The following LRRTM4 variants were observed in gnomAD, a reference collection of about 807,000 sequenced individuals.
LRRTM4 encodes leucine rich repeat transmembrane neuronal 4.
A neutral mutation model predicts 47.6 loss-of-function variants in LRRTM4; 25 were observed. The ratio of observed to expected loss-of-function variants is 0.53; its 90% CI spans 0.38 to 0.73. LRRTM4 has a LOEUF of 0.73. Among genes scored for constraint, LRRTM4 ranks in the 30% least tolerant of loss-of-function variants. The pLI is 0.00. For synonymous variants in LRRTM4, 311 were observed against 269.5 expected (o/e 1.15, Z -1.51); for missense variants, 638 against 713.4 (o/e 0.89, Z 1.20).
At chr2:76,769,472 A>G (rs1477654349) in intron 3 of LRRTM4, among the ~76,000 whole-genome samples, 3 of 152,130 alleles carry the variant, frequency 2.0e-5, no homozygotes, top group Non-Finnish European at 4.4e-5. Context: ...TGGGAAAATA[A>G]TTAAATGAAT....
intron 3 of LRRTM4, among the ~76,000 whole-genome samples, chr2:77,172,272 G>T (rs1284965416): frequency 1.3e-5 from 2 of 152,046 alleles, no homozygotes; most frequent in Non-Finnish European, 2.9e-5. Context: ...TGTTTACTCA[G>T]AATCCATATA....
At chr2:77,081,604 T>C (rs1680536453) in intron 3 of LRRTM4, among the ~76,000 whole-genome samples, 1 of 151,700 alleles carries the variant, frequency 6.6e-6, no homozygotes. Flanking sequence ...TGTACATAGG[T>C]GACTTTCTTC....
chr2:76,968,344 A>ATATATATGTGTGTG (rs1425166435), intron 3 of LRRTM4, among the ~76,000 whole-genome samples: 1 of 53,698 alleles, frequency 1.9e-5, no homozygotes, highest in Admixed American at 1.8e-4. Context: ...ATGTGTGTAT[A>ATATATATGTGTGTG]TATATATATA....
chr2:77,426,846 C>CAG (rs756686178), intron 3 of LRRTM4, among the ~76,000 whole-genome samples: 4 of 125,482 alleles, frequency 3.2e-5, no homozygotes, highest in Non-Finnish European at 5.4e-5. Flanking sequence ...CACACACACA[C>CAG]AGAGAGAGAG....
intron 3 of LRRTM4, among the ~76,000 whole-genome samples, chr2:76,804,293 C>T (rs1276223107): frequency 6.6e-6 from 1 of 152,038 alleles, no homozygotes; most frequent in South Asian, 2.1e-4. Context: ...TCTCAAGAAT[C>T]CTTTGGGACT....
intron 3 of LRRTM4, among the ~76,000 whole-genome samples, chr2:76,973,195 G>A (rs1223087780): frequency 6.6e-6 from 1 of 151,920 alleles, no homozygotes; most frequent in Non-Finnish European, 1.5e-5. Context: ...CAGTGACACT[G>A]AATTACCATG....
chr2:77,361,438 C>A (rs1439191137), intron 3 of LRRTM4, among the ~76,000 whole-genome samples: 2 of 152,076 alleles, frequency 1.3e-5, no homozygotes. Flanking sequence ...CGTCTTCATT[C>A]GCTTCATCCT....
chr2:77,260,002 G>T (rs369877624), intron 3 of LRRTM4, among the ~76,000 whole-genome samples: 1 of 151,980 alleles, frequency 6.6e-6, no homozygotes, highest in East Asian at 1.9e-4. Flanking sequence ...GGAGAGTTGC[G>T]AAGTGAAAAG....
chr2:77,092,134 C>A (rs1298620545), intron 3 of LRRTM4, among the ~76,000 whole-genome samples: 1 of 152,134 alleles, frequency 6.6e-6, no homozygotes, highest in African/African-American at 2.4e-5. Flanking sequence ...TTCCTCATAC[C>A]TGACGCATAT....
chr2:76,933,256 T>G (rs1309565207), intron 3 of LRRTM4, among the ~76,000 whole-genome samples: 4 of 152,136 alleles, frequency 2.6e-5, no homozygotes, highest in African/African-American at 9.7e-5. Flanking sequence ...ATAAAATTGT[T>G]TCTATTTCTA....
At chr2:77,161,730 A>G (rs1482328118) in intron 3 of LRRTM4, among the ~76,000 whole-genome samples, 1 of 152,186 alleles carries the variant, frequency 6.6e-6, no homozygotes, top group Non-Finnish European at 1.5e-5. Flanking sequence ...GCAGTATTTT[A>G]GAGAGGGTCT....
intron 3 of LRRTM4, among the ~76,000 whole-genome samples, chr2:77,189,502 G>T (rs1461204375): frequency 6.6e-6 from 1 of 152,158 alleles, no homozygotes; most frequent in Non-Finnish European, 1.5e-5. Context: ...GAGCCCTTAT[G>T]AGTGGGATTA....
At chr2:76,970,294 C>T (rs940142272) in intron 3 of LRRTM4, among the ~76,000 whole-genome samples, 1 of 151,930 alleles carries the variant, frequency 6.6e-6, no homozygotes, top group Non-Finnish European at 1.5e-5. Flanking sequence ...ATTTTGTTCA[C>T]AGACAAAAGT....
At chr2:76,841,281 G>T (rs1012038019) in intron 3 of LRRTM4, among the ~76,000 whole-genome samples, 2 of 151,094 alleles carry the variant, frequency 1.3e-5, no homozygotes, top group African/African-American at 2.4e-5. Context: ...GTTGTGGGGT[G>T]GGGGGAGTGG....
In LRRTM4 at chr2:77,146,580, C is replaced by T. The variant is rs376959112; in HGVS notation, c.1551+371738G>A. Among the ~76,000 whole-genome samples, 8 of 152,114 alleles carry T rather than the reference C, an allele frequency of 5.3e-5. No individual in the cohort carries two copies. The South Asian group carries it at 1.7e-3, about 31-fold the overall frequency. ...CTCTGAAATTTTAAGCCGGGAATAA[C>T]TAGAATTAAAATTTTCTTTTTTCAT... On this transcript the variant is annotated intron_variant, in intron 3 of 3. Transcript: ENST00000409884.
intron 3 of LRRTM4, among the ~76,000 whole-genome samples, chr2:77,171,182 A>T (rs1275833401): frequency 6.6e-6 from 1 of 152,136 alleles, no homozygotes; most frequent in African/African-American, 2.4e-5. Context: ...TCCCTTGGAA[A>T]GCAACGAGAT....
chr2:77,141,618 TA>T (rs1033080843), intron 3 of LRRTM4, among the ~76,000 whole-genome samples: 13 of 152,064 alleles, frequency 8.5e-5, no homozygotes, highest in East Asian at 1.9e-4. Flanking sequence ...ATTAAAGTAT[TA>T]AAAAAATGGT....
At chr2:77,276,686 C>CATATATATATATAT (rs3980215) in intron 3 of LRRTM4, among the ~76,000 whole-genome samples, 1 of 71,716 alleles carries the variant, frequency 1.4e-5, no homozygotes, top group Non-Finnish European at 2.7e-5. Context: ...TTTGTGTACG[C>CATATATATATATAT]ATATATATAT....
intron 3 of LRRTM4, among the ~76,000 whole-genome samples, chr2:76,853,225 C>T (rs984533396): frequency 1.3e-5 from 2 of 152,014 alleles, no homozygotes; most frequent in African/African-American, 4.8e-5. Context: ...GGGCTATTGT[C>T]GCTATCATAG....
Sources: gnomAD v4.1 joint callset for allele counts (sites outside exome capture counted in the v4.1 genomes callset) on GRCh38, gnomAD v4.1.1 for gene constraint, MANE v1.5 for transcripts, NCBI Gene and HGNC (gene_info 2026-07-23, HGNC 2026-07-21) for gene names.